The following GNAQ variants were observed in gnomAD, a reference collection of about 807,000 sequenced individuals.
GNAQ encodes the protein G protein subunit alpha q, also known as guanine nucleotide-binding protein G(q) subunit alpha.
In GNAQ, 8 loss-of-function variants were observed where a neutral mutation model predicts 43.9. The observed-to-expected ratio is 0.18, with a 90% CI of 0.11 to 0.33. The LOEUF is 0.33. Among genes scored for constraint, GNAQ ranks in the 10% least tolerant of loss-of-function variants. The pLI is 1.00. For synonymous variants in GNAQ, 155 were observed against 170.7 expected (o/e 0.91, Z 0.71); for missense variants, 158 against 450.8 (o/e 0.35, Z 5.88).
At chr9:77,906,450 C>A (rs1828710168) in intron 2 of GNAQ, among the ~76,000 whole-genome samples, 1 of 152,118 alleles carries the variant, frequency 6.6e-6, no homozygotes. Flanking sequence ...TCAAAAGCCT[C>A]AAAAATGTGT....
intron 2 of GNAQ, among the ~76,000 whole-genome samples, chr9:77,831,624 T>C (rs923017591): frequency 5.3e-5 from 8 of 152,238 alleles, no homozygotes; most frequent in African/African-American, 1.9e-4. Flanking sequence ...ATCTGTTTCA[T>C]ACTCTGTGTA....
rs370451815 is a variant in GNAQ at position 77,812,092 on chromosome 9, A to T, written c.476+3524T>A. ...TGTCCTGGTTCAGATGATTAATCAA[A>T]TAGCTGAAGAGATAAAATCTTCTAT... On this transcript the variant is annotated intron_variant, in intron 3 of 6. Coordinates refer to ENST00000286548, the MANE Select transcript of GNAQ (RefSeq NM_002072.5). 1.4e-4 allele frequency among the ~76,000 whole-genome samples: 22 copies of T among 152,340 alleles called. No individual in the cohort carries two copies. The South Asian group carries it at 4.3e-3, about 30-fold the overall frequency.
intron 2 of GNAQ, among the ~76,000 whole-genome samples, chr9:77,892,680 G>C (rs1828424420): frequency 6.6e-6 from 1 of 152,198 alleles, no homozygotes; most frequent in Non-Finnish European, 1.5e-5. Context: ...GCTTTATTCT[G>C]TGGCATAAAT....
intron 5 of GNAQ, among the ~76,000 whole-genome samples, chr9:77,735,882 A>G (rs1325106616): frequency 6.6e-6 from 1 of 152,130 alleles, no homozygotes; most frequent in East Asian, 1.9e-4. Context: ...AAGTGGCTAA[A>G]TATCTCTGAG....
intron 3 of GNAQ, among the ~76,000 whole-genome samples, chr9:77,803,497 A>C (rs1313478803): frequency 6.6e-6 from 1 of 152,246 alleles, no homozygotes; most frequent in Non-Finnish European, 1.5e-5. Flanking sequence ...TTTTCTGTGA[A>C]AAGTGAGGGA....
intron 5 of GNAQ, among the ~76,000 whole-genome samples, chr9:77,755,404 G>A (rs1286444246): frequency 6.6e-6 from 1 of 152,014 alleles, no homozygotes; most frequent in Non-Finnish European, 1.5e-5. Context: ...TGCTTGAGGT[G>A]GATATCCCAC....
At chr9:77,996,695 A>G (rs1823574137) in intron 1 of GNAQ, among the ~76,000 whole-genome samples, 1 of 151,032 alleles carries the variant, frequency 6.6e-6, no homozygotes. Context: ...AAAAAAAAAA[A>G]AGAAAAAAGA....
At chr9:77,754,499 G>T (rs1825867602) in intron 5 of GNAQ, among the ~76,000 whole-genome samples, 2 of 152,202 alleles carry the variant, frequency 1.3e-5, no homozygotes, top group Admixed American at 1.3e-4. Flanking sequence ...AGAGCAAAAA[G>T]GCATTTATGA....
rs1825251780 is a variant in GNAQ, at chr9:77,718,038, C to T, written c.*3285G>A. 1 of 232,728 alleles carries T rather than the reference C, an allele frequency of 4.3e-6. No homozygotes were observed. The highest frequency in any genetic ancestry group is 8.5e-6 in the Non-Finnish European group (1 of 117,816). The allele number at this position is 232,728 out of a possible 1,614,324, so 14.4% of individuals were successfully genotyped here. On this transcript the variant is annotated 3_prime_UTR_variant, in exon 7 of 7. Coordinates refer to ENST00000286548, the MANE Select transcript of GNAQ (RefSeq NM_002072.5). ...TCTCTGGGGGTTAGAACTGCCATGT[C>T]ACGCAAAAAGGGAAAAATCATCTGT...
In GNAQ at chr9:77,795,074, T is replaced by C. The variant is rs1315803802; in HGVS notation, c.606-482A>G. On this transcript the variant is annotated intron_variant, in intron 4 of 6. Coordinates refer to ENST00000286548, the MANE Select transcript of GNAQ (RefSeq NM_002072.5). ...GCTATACAATTCAATATGGGTGGTA[T>C]GATGCTTCCACTAAATGCAGATACG... 3.9e-5 allele frequency among the ~76,000 whole-genome samples: 6 copies of C among 152,302 alleles called. No individual in the cohort carries two copies. In the East Asian group the frequency reaches 1.2e-3, roughly 29 times the overall value.
At chr9:77,743,434 T>C (rs1395710314) in intron 5 of GNAQ, among the ~76,000 whole-genome samples, 1 of 152,116 alleles carries the variant, frequency 6.6e-6, no homozygotes, top group Admixed American at 6.5e-5. Context: ...AACTTACAAG[T>C]GTCTTGAAGA....
At chr9:77,943,342 C>A (rs929898765) in intron 1 of GNAQ, among the ~76,000 whole-genome samples, 4 of 152,274 alleles carry the variant, frequency 2.6e-5, no homozygotes, top group African/African-American at 7.2e-5. Flanking sequence ...ACATGTTCGA[C>A]GTGTCTTGAG....
chr9:77,765,926 T>A (rs559593671), intron 5 of GNAQ, among the ~76,000 whole-genome samples: 2 of 152,328 alleles, frequency 1.3e-5, no homozygotes, highest in South Asian at 4.1e-4. Flanking sequence ...TCTTGACACA[T>A]GCATGCTACA....
intron 1 of GNAQ, among the ~76,000 whole-genome samples, chr9:78,020,248 T>A (rs1056335135): frequency 3.3e-5 from 5 of 152,130 alleles, no homozygotes; most frequent in African/African-American, 1.2e-4. Flanking sequence ...TCAAGAGACA[T>A]CTCATAACAC....
At chr9:77,872,603 C>A (rs1828057077) in intron 2 of GNAQ, among the ~76,000 whole-genome samples, 1 of 152,072 alleles carries the variant, frequency 6.6e-6, no homozygotes, top group Non-Finnish European at 1.5e-5. Context: ...GATTTTAACA[C>A]ATCTCAGCAC....
At position 77,716,605 on chromosome 9, in the gene GNAQ, G is replaced by A. The variant is rs1265247197; in HGVS notation, c.*4718C>T. The A allele has an allele frequency of 4.3e-6, 1 of 232,756 alleles. No individual in the cohort carries two copies. Among genetic ancestry groups the A allele is most frequent in the Admixed American group, 5.6e-5 (1 of 17,770 alleles). 14.4% of individuals were successfully genotyped at this position (232,756 alleles called of 1,614,324 possible). A position where few individuals can be genotyped will look rare whatever the true frequency, so the allele number is the denominator to read the frequency against. On this transcript the variant is annotated 3_prime_UTR_variant, in exon 7 of 7. Coordinates refer to ENST00000286548, the MANE Select transcript of GNAQ (RefSeq NM_002072.5). Reference sequence around the variant, plus strand: ...AAAGTAACCTGGACAAAGTTACGTAGTATTATTCCAGCTTTCTTTCCTGAA... The same window carrying A: ...AAAGTAACCTGGACAAAGTTACGTAATATTATTCCAGCTTTCTTTCCTGAA...
chr9:77,945,955 C>G (rs1185881751), intron 1 of GNAQ, among the ~76,000 whole-genome samples: 1 of 152,216 alleles, frequency 6.6e-6, no homozygotes, highest in Admixed American at 6.5e-5. Flanking sequence ...GCCACACTTC[C>G]TGAATTGCAG....
In GNAQ at chr9:77,717,201, C is replaced by G; in HGVS notation, c.*4122G>C. ...AGTTTTATTTTTTTGTGTTTCTAACCAAAGATATATCTTTGGAAGAAAATA... is the reference window on the plus strand; with the variant it reads ...AGTTTTATTTTTTTGTGTTTCTAACGAAAGATATATCTTTGGAAGAAAATA... On this transcript the variant is annotated 3_prime_UTR_variant, in exon 7 of 7. Transcript: ENST00000286548. 1 of 232,008 alleles carries G rather than the reference C, an allele frequency of 4.3e-6. No homozygotes were observed. The highest frequency in any genetic ancestry group is 6.1e-5 in the East Asian group (1 of 16,360). 14.4% of individuals were successfully genotyped at this position (232,008 alleles called of 1,614,324 possible).
chr9:77,905,156 T>C (rs1022866047), intron 2 of GNAQ, among the ~76,000 whole-genome samples: 2 of 152,218 alleles, frequency 1.3e-5, no homozygotes, highest in South Asian at 2.1e-4. Flanking sequence ...TGCCCATTCA[T>C]TGAATGTGGA....
Sources: gnomAD v4.1 joint callset for allele counts (sites outside exome capture counted in the v4.1 genomes callset) on GRCh38, gnomAD v4.1.1 for gene constraint, MANE v1.5 for transcripts, NCBI Gene and HGNC (gene_info 2026-07-23, HGNC 2026-07-21) for gene names.